Variants in PCDH15 observed in about 807,000 individuals in gnomAD.
PCDH15 encodes protocadherin-15.
In PCDH15, 129 loss-of-function variants were observed where a neutral mutation model predicts 178.5. The ratio of observed to expected loss-of-function variants is 0.72; its 90% CI spans 0.63 to 0.84. The LOEUF is 0.84. PCDH15 is among the 40% of genes least tolerant of loss of function. The pLI, the probability that PCDH15 is intolerant of heterozygous loss-of-function variation, is 0.00. For missense variants in PCDH15, 2,230 were observed against 2,099.9 expected, an observed-to-expected ratio of 1.06 and a Z score of -1.21; for synonymous variants, 800 against 732.0, an observed-to-expected ratio of 1.09 and a Z score of -1.50.
At chr10:54,885,102 C>G (rs544220758) in intron 3 of PCDH15, among the ~76,000 whole-genome samples, 152 of 152,076 alleles carry the variant, frequency 1.0e-3, no homozygotes, top group Non-Finnish European at 1.8e-3. Flanking sequence ...TTCCCAGCAA[C>G]CGATACAATA....
intron 8 of PCDH15, among the ~76,000 whole-genome samples, chr10:54,310,968 A>C (rs1300674308): frequency 1.3e-5 from 2 of 152,106 alleles, no homozygotes; most frequent in African/African-American, 4.8e-5. Flanking sequence ...TGCCAAGAAG[A>C]AATGATAAGT....
chr10:55,329,065 T>C (rs571409514), intron 2 of PCDH15, among the ~76,000 whole-genome samples: 4 of 149,504 alleles, frequency 2.7e-5, no homozygotes, highest in East Asian at 2.0e-4. Flanking sequence ...TAATGGGTTA[T>C]TGAAACCTAA....
intron 28 of PCDH15, among the ~76,000 whole-genome samples, chr10:53,850,882 A>T (rs2132930585): frequency 6.6e-6 from 1 of 152,246 alleles, no homozygotes; most frequent in African/African-American, 2.4e-5. Context: ...TATGGCAGCT[A>T]GGGAGAAGAC....
chr10:55,589,520 A>G (rs4264077), intron 2 of PCDH15, among the ~76,000 whole-genome samples: 48,763 of 150,910 alleles, frequency 0.32, 8,136 homozygotes, highest in East Asian at 0.48. Context: ...ATCAGAGTGA[A>G]CAGGCAACCT....
intron 6 of PCDH15, among the ~76,000 whole-genome samples, chr10:54,337,864 G>T (rs1028758093): frequency 3.3e-5 from 5 of 152,118 alleles, no homozygotes; most frequent in African/African-American, 1.2e-4. Context: ...GGGAACTATA[G>T]CTATAAAACC....
At chr10:55,327,841 A>G (rs2441762) in intron 2 of PCDH15, among the ~76,000 whole-genome samples, 3,946 of 152,086 alleles carry the variant, frequency 0.026, 169 homozygotes, top group African/African-American at 0.089. Context: ...TTGTTTTCCA[A>G]TTATTAACCC....
chr10:54,966,263 A>G (rs1359176196), intron 2 of PCDH15, among the ~76,000 whole-genome samples: 2 of 152,100 alleles, frequency 1.3e-5, no homozygotes, highest in Admixed American at 6.6e-5. Flanking sequence ...TCTGGAAAGA[A>G]TAGCTAGTTT....
At chr10:54,005,016 C>A (rs1173296375) in intron 20 of PCDH15, among the ~76,000 whole-genome samples, 1 of 150,550 alleles carries the variant, frequency 6.6e-6, no homozygotes, top group Non-Finnish European at 1.5e-5. Flanking sequence ...ATTTACACAA[C>A]TACAGCAAAG....
chr10:53,857,178 G>A lies in PCDH15; in HGVS notation c.3803C>T (p.Thr1268Ile), dbSNP rs771329477. The change falls in exon 28 of 38, where the codon ACA (threonine) becomes ATA (isoleucine). Residue 1268 changes from threonine to isoleucine, a missense_variant. By Grantham distance (89) the Thr-to-Ile change is moderately conservative. Coordinates refer to ENST00000644397, the MANE Select transcript of PCDH15 (RefSeq NM_001384140.1). ...TLVEKKIEDL[T>I]EILDRYVQEQ... The stretch of plus-strand genomic sequence containing the variant: ...ATAAGGAGACAAAATCAATTACTCT[G>A]TAAGATCTTCTATCTTTTTTTCCAC... 3 of 1,585,382 alleles carry A rather than the reference G, an allele frequency of 1.9e-6. No individual in the cohort carries two copies. Among genetic ancestry groups the A allele is most frequent in the Non-Finnish European group, 2.6e-6 (3 of 1,154,666 alleles).
chr10:53,947,690 C>G (rs1164651687), intron 23 of PCDH15, among the ~76,000 whole-genome samples: 5 of 152,056 alleles, frequency 3.3e-5, no homozygotes, highest in African/African-American at 2.4e-5. Context: ...GCTAGTTCTT[C>G]CAGAATACTT....
At position 54,346,246 on chromosome 10, in the gene PCDH15, A is replaced by G. The variant is rs1464982161; in HGVS notation, c.594+119T>C. On this transcript the variant is annotated intron_variant, in intron 6 of 37. Coordinates refer to ENST00000644397, the MANE Select transcript of PCDH15 (RefSeq NM_001384140.1). ...TTCAATTTTGAGACATTTTTAAATA[A>G]TAGTATCATTACTAATCTGGTTCTG... The G allele has an allele frequency of 9.7e-6, 9 of 925,574 alleles. No homozygotes were observed. The Admixed American group carries it at 2.0e-4, about 20-fold the overall frequency. The allele number at this position is 925,574 out of a possible 1,614,324, so 57.3% of individuals were successfully genotyped here. A position where few individuals can be genotyped will look rare whatever the true frequency, so the allele number is the denominator to read the frequency against.
chr10:54,915,268 C>T (rs1331178262), intron 2 of PCDH15, among the ~76,000 whole-genome samples: 1 of 152,126 alleles, frequency 6.6e-6, no homozygotes, highest in Non-Finnish European at 1.5e-5. Flanking sequence ...CCAGTACAAT[C>T]TCTACAACAG....
chr10:54,958,286 A>T (rs923009072), intron 2 of PCDH15, among the ~76,000 whole-genome samples: 2 of 151,736 alleles, frequency 1.3e-5, no homozygotes, highest in Admixed American at 6.6e-5. Flanking sequence ...TTCATCTCAG[A>T]TAAGAAGTAT....
chr10:54,358,801 C>T (rs1325623476), intron 5 of PCDH15, among the ~76,000 whole-genome samples: 1 of 151,734 alleles, frequency 6.6e-6, no homozygotes, highest in Non-Finnish European at 1.5e-5. Context: ...GAAAATGTGG[C>T]ACATATACAC....
intron 3 of PCDH15, among the ~76,000 whole-genome samples, chr10:54,851,619 G>T (rs1348817858): frequency 2.0e-5 from 3 of 152,088 alleles, no homozygotes; most frequent in Non-Finnish European, 4.4e-5. Flanking sequence ...TTTTGAAATG[G>T]AGTCTCCCTT....
intron 2 of PCDH15, among the ~76,000 whole-genome samples, chr10:54,627,534 C>A (rs2093589701): frequency 6.6e-6 from 1 of 152,162 alleles, no homozygotes; most frequent in African/African-American, 2.4e-5. Flanking sequence ...TTGCCTTCCA[C>A]CACAATTATG....
rs779744482 is a variant in PCDH15, at chr10:55,256,310, C to T, written c.-156+63289G>A. ...CTCCCAGTGTGAGCGAGGCAGAAGA[C>T]GGGTGATTTCTGCATTTCCAACTGA... On this transcript the variant is annotated intron_variant, in intron 1 of 5. Transcript: ENST00000458638. Among the ~76,000 whole-genome samples, 170 of 152,200 alleles carry T rather than the reference C, an allele frequency of 1.1e-3. 1 individual carries two copies. The highest frequency in any genetic ancestry group is 7.4e-4 in the Non-Finnish European group (50 of 68,018).
In PCDH15 at chr10:54,172,640, T is replaced by C. The variant is rs2047035425; in HGVS notation, c.1590+10804A>G. 2.0e-5 allele frequency among the ~76,000 whole-genome samples: 3 copies of C among 152,180 alleles called. No homozygotes were observed. The South Asian group carries it at 6.2e-4, about 31-fold the overall frequency. The stretch of plus-strand genomic sequence containing the variant: ...ATACTAAAGAAAATAGTATAAAATA[T>C]ATTGTACATTTTGTTTCTTCTAGAG... On this transcript the variant is annotated intron_variant, in intron 13 of 37. Coordinates refer to ENST00000644397, the MANE Select transcript of PCDH15 (RefSeq NM_001384140.1).
chr10:54,925,957 T>C (rs1422603597), intron 2 of PCDH15, among the ~76,000 whole-genome samples: 1 of 152,174 alleles, frequency 6.6e-6, no homozygotes, highest in Admixed American at 6.6e-5. Flanking sequence ...TGTGCCTATT[T>C]GGTCTTGCCA....
Sources: allele counts gnomAD v4.1 joint callset (sites outside exome capture counted in the v4.1 genomes callset), GRCh38; gene constraint gnomAD v4.1.1; transcripts MANE v1.5; gene names NCBI Gene and HGNC (gene_info 2026-07-23, HGNC 2026-07-21).